USP13: variants seen among roughly 807,000 people sequenced by gnomAD.
USP13 encodes ubiquitin specific peptidase 13.
A neutral mutation model predicts 107.8 loss-of-function variants in USP13; 68 were observed. That is an observed-to-expected ratio of 0.63 (90% CI 0.52 to 0.77). The LOEUF (loss-of-function observed/expected upper bound fraction) is 0.77, where lower values mean the gene tolerates loss of function less well. USP13 is among the 30% of genes least tolerant of loss of function. USP13 has a pLI of 0.00. For missense variants in USP13, 945 were observed against 1,093.3 expected (o/e 0.86, Z 1.91); for synonymous variants, 377 against 389.5 (o/e 0.97, Z 0.38).
intron 1 of USP13, among the ~76,000 whole-genome samples, chr3:179,676,852 T>C (rs936236113): frequency 1.3e-5 from 2 of 152,200 alleles, no homozygotes; most frequent in South Asian, 2.1e-4. Flanking sequence ...CCAGCCTTGG[T>C]GTCCAGTGGA....
At chr3:179,750,346 GTATA>G (rs1714567901) in intron 13 of USP13, among the ~76,000 whole-genome samples, 2 of 121,396 alleles carry the variant, frequency 1.6e-5, no homozygotes, top group Non-Finnish European at 1.7e-5. Flanking sequence ...ATATATATAT[GTATA>G]TATATAAAAT....
At chr3:179,655,466 A>G (rs965116512) in intron 1 of USP13, among the ~76,000 whole-genome samples, 1 of 151,482 alleles carries the variant, frequency 6.6e-6, no homozygotes, top group South Asian at 2.1e-4. Context: ...ATGAATCAGT[A>G]TATTTCATTA....
intron 18 of USP13, among the ~76,000 whole-genome samples, chr3:179,764,487 A>G (rs1715111758): frequency 6.6e-6 from 1 of 152,186 alleles, no homozygotes; most frequent in South Asian, 2.1e-4. Flanking sequence ...CCTAGAGGAA[A>G]GAGGGATGCA....
chr3:179,704,096 A>G (rs997701179), intron 4 of USP13, among the ~76,000 whole-genome samples: 4 of 152,320 alleles, frequency 2.6e-5, no homozygotes, highest in Non-Finnish European at 4.4e-5. Context: ...GTGTGATTAC[A>G]GGATGATGGA....
chr3:179,782,354 C>G (rs1715778165), intron 20 of USP13, among the ~76,000 whole-genome samples: 1 of 152,212 alleles, frequency 6.6e-6, no homozygotes, highest in Non-Finnish European at 1.5e-5. Flanking sequence ...TCTGGCAGCT[C>G]TAAACCTTCA....
At chr3:179,694,595 G>A (rs1446989300) in intron 3 of USP13, among the ~76,000 whole-genome samples, 1 of 152,006 alleles carries the variant, frequency 6.6e-6, no homozygotes, top group African/African-American at 2.4e-5. Flanking sequence ...CTGAGGTCAG[G>A]AGTTCGGCAG....
chr3:179,680,551 T>C (rs539421591), intron 1 of USP13, among the ~76,000 whole-genome samples: 2 of 151,388 alleles, frequency 1.3e-5, no homozygotes, highest in Non-Finnish European at 2.9e-5. Flanking sequence ...ATTTATTACA[T>C]TTTTTTTTCC....
rs576517737 is a variant in USP13, at chr3:179,694,799, CAAAAAAAAAAAAAAAAAAAAA to C, written c.355+4502_355+4522del. Among the ~76,000 whole-genome samples the C allele has an allele frequency of 7.3e-5, 6 of 82,166 alleles. No individual in the cohort carries two copies. The East Asian group carries it at 2.4e-3, about 32-fold the overall frequency. 53.9% of individuals were successfully genotyped at this position (82,166 alleles called of 152,430 possible). ...CTGGGCAAAGAGTGAAACTCCATCT[CAAAAAAAAAAAAAAAAAAAAA>C]AAAGAAACAAAGAAAAGAGGAGAAA... On this transcript the variant is annotated intron_variant, in intron 3 of 20. Coordinates refer to ENST00000263966, the MANE Select transcript of USP13 (RefSeq NM_003940.3).
chr3:179,695,006 C>T (rs13097252), intron 3 of USP13, among the ~76,000 whole-genome samples: 27,041 of 151,990 alleles, frequency 0.18, 2,613 homozygotes, highest in Non-Finnish European at 0.2. Context: ...CAGCGGGCTC[C>T]GCTGAGTAAA....
rs1714255160 is a variant in USP13 at position 179,742,987 on chromosome 3, T to C, written c.1534+637T>C. The stretch of plus-strand genomic sequence containing the variant: ...ATGGCATTTCTTCGAATTAACATCG[T>C]AGAAGCAAAAAAGACAAAATAGCTG... On this transcript the variant is annotated intron_variant, in intron 12 of 20. Coordinates refer to ENST00000263966, the MANE Select transcript of USP13 (RefSeq NM_003940.3). The surrounding 1 kb of genome is among the most constrained non-coding windows in gnomAD (Gnocchi z 5.0). Among the ~76,000 whole-genome samples the C allele has an allele frequency of 6.6e-6, 1 of 152,198 alleles. No individual in the cohort carries two copies.
Position 179,788,676 on chromosome 3 carries a change from T to A in USP13, c.*4535T>A, listed in dbSNP as rs1406559723. On this transcript the variant is annotated 3_prime_UTR_variant, in exon 21 of 21. Coordinates refer to ENST00000263966, the MANE Select transcript of USP13 (RefSeq NM_003940.3). ...TTCTTTTCACCCATTTTTATTTTTT[T>A]AAAAATGTGGCCCCTAAAGAACTTC... The A allele has an allele frequency of 6.6e-6, 1 of 152,202 alleles. No individual in the cohort carries two copies. The highest frequency in any genetic ancestry group is 1.5e-5 in the Non-Finnish European group (1 of 68,034). 9.4% of individuals were successfully genotyped at this position (152,202 alleles called of 1,614,324 possible).
chr3:179,703,026 G>T (rs1712591863), intron 4 of USP13, among the ~76,000 whole-genome samples: 1 of 152,140 alleles, frequency 6.6e-6, no homozygotes, highest in South Asian at 2.1e-4. Context: ...TGTACTTGGA[G>T]TATAATTTGA....
At chr3:179,679,038 CTTGAG>C (rs1392840297) in intron 1 of USP13, among the ~76,000 whole-genome samples, 1 of 152,104 alleles carries the variant, frequency 6.6e-6, no homozygotes, top group East Asian at 1.9e-4. Flanking sequence ...GAGGCACATA[CTTGAG>C]TTAATGCTGT....
At chr3:179,703,841 T>C (rs1435854500) in intron 4 of USP13, among the ~76,000 whole-genome samples, 1 of 152,236 alleles carries the variant, frequency 6.6e-6, no homozygotes, top group East Asian at 1.9e-4. Context: ...TGATTATATG[T>C]CACCTTTTGA....
chr3:179,724,869 TTCTC>T (rs1477314766), intron 8 of USP13, among the ~76,000 whole-genome samples: 1 of 152,252 alleles, frequency 6.6e-6, no homozygotes, highest in Non-Finnish European at 1.5e-5. Context: ...CAAAATGGAC[TTCTC>T]TCTTTTTCTC....
chr3:179,698,997 T>C (rs1234152887), intron 3 of USP13, among the ~76,000 whole-genome samples: 1 of 151,840 alleles, frequency 6.6e-6, no homozygotes, highest in Admixed American at 6.6e-5. Flanking sequence ...TCCTCCTGAG[T>C]AGCTGGGATT....
At chr3:179,763,950 C>CAA (rs556912091) in intron 17 of USP13, 52 bp from the exon 18 acceptor site, 15,063 of 1,210,196 alleles carry the variant, frequency 0.012, 2 homozygotes, top group African/African-American at 0.019. Context: ...TGTTTCAGGA[C>CAA]AAAAAAAAAA....
intron 19 of USP13, among the ~76,000 whole-genome samples, chr3:179,771,184 T>C (rs1173391509): frequency 6.6e-6 from 1 of 152,168 alleles, no homozygotes; most frequent in Non-Finnish European, 1.5e-5. Context: ...AGGCTCTCCC[T>C]AATGGCACAA....
intron 14 of USP13, among the ~76,000 whole-genome samples, chr3:179,753,236 G>A (rs1306060841): frequency 6.6e-6 from 1 of 152,222 alleles, no homozygotes; most frequent in Admixed American, 6.5e-5. Flanking sequence ...TGTAGAATCG[G>A]CTGGAGTGAT....
Sources: allele counts gnomAD v4.1 joint callset (sites outside exome capture counted in the v4.1 genomes callset), GRCh38; gene constraint gnomAD v4.1.1; non-coding constraint Gnocchi (gnomAD v3.1); transcripts MANE v1.5; gene names NCBI Gene and HGNC (gene_info 2026-07-23, HGNC 2026-07-21).